BAIAP2L1: variants seen among roughly 807,000 people sequenced by gnomAD.
BAIAP2L1 encodes BAR/IMD domain-containing adapter protein 2-like 1.
BAIAP2L1 carries 35 observed loss-of-function variants against 66.3 expected under a neutral mutation model. The observed-to-expected ratio is 0.53, with a 90% CI of 0.40 to 0.70. The LOEUF (loss-of-function observed/expected upper bound fraction) is 0.70, where lower values mean the gene tolerates loss of function less well. Among genes scored for constraint, BAIAP2L1 ranks in the 30% least tolerant of loss-of-function variants. The pLI is 0.00. For synonymous variants in BAIAP2L1, 269 were observed against 248.7 expected (o/e 1.08, Z -0.77); for missense variants, 622 against 656.9 (o/e 0.95, Z 0.58).
intron 12 of BAIAP2L1, among the ~76,000 whole-genome samples, chr7:98,301,686 C>G (rs1004086080): frequency 6.6e-6 from 1 of 151,744 alleles, no homozygotes; most frequent in Non-Finnish European, 1.5e-5. Context: ...TGCACACGCG[C>G]GTCTGTGTGT....
At chr7:98,373,568 G>A (rs535434104) in intron 1 of BAIAP2L1, among the ~76,000 whole-genome samples, 54 of 152,258 alleles carry the variant, frequency 3.5e-4, no homozygotes, top group African/African-American at 1.3e-3. Flanking sequence ...TGAGCCTCTA[G>A]AAAGCCTGAG....
At chr7:98,365,928 T>C (rs1237493526) in intron 1 of BAIAP2L1, among the ~76,000 whole-genome samples, 2 of 152,204 alleles carry the variant, frequency 1.3e-5, no homozygotes, top group East Asian at 3.8e-4. Flanking sequence ...GTCTTTCATG[T>C]TAGAGACTCT....
Position 98,387,266 on chromosome 7 carries a change from G to A in BAIAP2L1, c.51+13536C>T, listed in dbSNP as rs557632555. Among the ~76,000 whole-genome samples, 5 of 152,224 alleles carry A rather than the reference G, an allele frequency of 3.3e-5. No individual in the cohort carries two copies. The East Asian group carries it at 9.7e-4, about 29-fold the overall frequency. Reference sequence around the variant, plus strand: ...TGTCCTGTCACAGCTATAAACTCTGGATGGGCACAGACCTTCTTTGTCTTT... The same window carrying A: ...TGTCCTGTCACAGCTATAAACTCTGAATGGGCACAGACCTTCTTTGTCTTT... On this transcript the variant is annotated intron_variant, in intron 1 of 13. Coordinates refer to ENST00000005260, the MANE Select transcript of BAIAP2L1 (RefSeq NM_018842.5).
chr7:98,307,326 G>A, intron 10 of BAIAP2L1: 1 of 936,584 alleles, frequency 1.1e-6, no homozygotes, highest in Non-Finnish European at 1.3e-6. Flanking sequence ...GGCTGGTCTG[G>A]AACTCCTAAC....
At position 98,401,058 on chromosome 7, in the gene BAIAP2L1, G is replaced by C; in HGVS notation, c.-206C>G. On this transcript the variant is annotated 5_prime_UTR_variant, in exon 1 of 14. Coordinates refer to ENST00000005260, the MANE Select transcript of BAIAP2L1 (RefSeq NM_018842.5). ...CAGCGCCGCCCTGGCCTTCTTCGAG[G>C]AGCAGAGGAGAAGCGGCCGGACGCC... 1 of 401,212 alleles carries C rather than the reference G, an allele frequency of 2.5e-6. No homozygotes were observed. The highest frequency in any genetic ancestry group is 4.2e-6 in the Non-Finnish European group (1 of 235,586). 24.9% of individuals were successfully genotyped at this position (401,212 alleles called of 1,614,324 possible).
chr7:98,383,069 A>G (rs986701542), intron 1 of BAIAP2L1, among the ~76,000 whole-genome samples: 2 of 152,052 alleles, frequency 1.3e-5, no homozygotes, highest in African/African-American at 4.8e-5. Flanking sequence ...AGGGTGAGGC[A>G]GGAGAATCAC....
At chr7:98,386,123 C>T (rs62478228) in intron 1 of BAIAP2L1, 387,408 of 1,581,786 alleles carry the variant, frequency 0.24, 44,792 homozygotes, top group East Asian at 0.45. Flanking sequence ...TGGTGCTGAG[C>T]ATAAGAGGTC....
Position 98,315,625 on chromosome 7 carries a change from A to AATAATAAT in BAIAP2L1, c.487-14_487-13insATTATTAT, listed in dbSNP as rs1554412624. 5.7e-5 allele frequency: 64 copies of AATAATAAT among 1,131,138 alleles called. No homozygotes were observed. The highest frequency in any genetic ancestry group is 5.5e-5 in the Non-Finnish European group (47 of 861,740). The allele number at this position is 1,131,138 out of a possible 1,614,324, so 70.1% of individuals were successfully genotyped here. On this transcript the variant is annotated splice_polypyrimidine_tract_variant and intron_variant, in intron 6 of 13. Transcript: ENST00000005260. ...CGGTCTCCACATACTAAAAAAAAAAAAATAATAATAATAATAATTATATAA... is the reference window on the plus strand; with the variant it reads ...CGGTCTCCACATACTAAAAAAAAAAAATAATAATAATAATAATAATAATAATTATATAA...
In BAIAP2L1 at chr7:98,294,085, C is replaced by A; in HGVS notation, c.1449G>T (p.Pro483=). 6.2e-7 allele frequency: 1 copy of A among 1,614,058 alleles called. No homozygotes were observed. Among genetic ancestry groups the A allele is most frequent in the Non-Finnish European group, 8.5e-7 (1 of 1,179,922 alleles). ...APNDANGTAK[P]PFLSGENPFA... ...GAAGCCACGCCTACCTGAGAAAAGG[C>A]GGCTTTGCAGTCCCGTTGGCATCGT... The change falls in exon 13 of 14, where the codon CCG becomes CCT. Residue 483 remains proline (P), a synonymous_variant. Coordinates refer to ENST00000005260, the MANE Select transcript of BAIAP2L1 (RefSeq NM_018842.5).
chr7:98,360,744 G>A (rs561820932), intron 2 of BAIAP2L1, among the ~76,000 whole-genome samples: 4 of 152,136 alleles, frequency 2.6e-5, no homozygotes, highest in Non-Finnish European at 4.4e-5. Context: ...AGCAATCTTC[G>A]AGGGAGAGTC....
At chr7:98,319,016 G>A (rs1273762022) in intron 5 of BAIAP2L1, among the ~76,000 whole-genome samples, 1 of 151,834 alleles carries the variant, frequency 6.6e-6, no homozygotes, top group African/African-American at 2.4e-5. Context: ...GATAACGTAT[G>A]TAAATCACTT....
chr7:98,350,050 G>A (rs565354677), intron 3 of BAIAP2L1, among the ~76,000 whole-genome samples: 6 of 151,770 alleles, frequency 4.0e-5, no homozygotes, highest in Admixed American at 6.6e-5. Flanking sequence ...CCAGAAGATC[G>A]AGGCTGCAAT....
chr7:98,397,418 T>G (rs919065749), intron 1 of BAIAP2L1, among the ~76,000 whole-genome samples: 1 of 145,920 alleles, frequency 6.9e-6, no homozygotes, highest in Non-Finnish European at 1.5e-5. Flanking sequence ...TCTAACTCCC[T>G]GGTTCAAGCG....
In BAIAP2L1 at chr7:98,303,508, A is replaced by C. The variant is rs746641190; in HGVS notation, c.1422+688T>G. Among the ~76,000 whole-genome samples, 4 of 152,206 alleles carry C rather than the reference A, an allele frequency of 2.6e-5. No homozygotes were observed. The South Asian group carries it at 8.3e-4, about 31-fold the overall frequency. ...TTGTGTTATTCTCTGCATGGCTTCT[A>C]GTGTCAGTGTTTTTGTTTATTTTTT... On this transcript the variant is annotated intron_variant, in intron 12 of 13. Coordinates refer to ENST00000005260, the MANE Select transcript of BAIAP2L1 (RefSeq NM_018842.5).
chr7:98,320,058 G>A lies in BAIAP2L1; in HGVS notation c.348C>T (p.Asn116=), dbSNP rs777108463. 123 of 1,612,376 alleles carry A rather than the reference G, an allele frequency of 7.6e-5. 1 individual carries two copies. In the South Asian group the frequency reaches 1.3e-3, roughly 17 times the overall value. ...GGCTGGAGGAAAACCATGCACTTAC[G>A]TTCATATATTTCACGTCAAGTTCTA... The part of the protein sequence containing the change: ...KKIELDVKYM[N]ATLKRYQTEH... The change falls in exon 5 of 14, where the codon AAC becomes AAT. Residue 116 remains asparagine (N), a splice_region_variant and synonymous_variant. Transcript: ENST00000005260.
At chr7:98,328,116 T>G (rs1192389127) in intron 3 of BAIAP2L1, among the ~76,000 whole-genome samples, 2 of 152,140 alleles carry the variant, frequency 1.3e-5, no homozygotes, top group Non-Finnish European at 2.9e-5. Context: ...AGACATTGAT[T>G]TTTTTCATAC....
rs537937118 is a variant in BAIAP2L1, at chr7:98,323,793, G to A, written c.215-3495C>T. ...GCCGACCTCACAGCAGCTGGCCGCC[G>A]CGGAGTCAGCGGTCACAGAAAGGAT... On this transcript the variant is annotated intron_variant, in intron 3 of 13. Transcript: ENST00000005260. Among the ~76,000 whole-genome samples the A allele has an allele frequency of 4.6e-5, 7 of 152,346 alleles. No homozygotes were observed. In the South Asian group the frequency reaches 1.0e-3, roughly 23 times the overall value.
intron 1 of BAIAP2L1, among the ~76,000 whole-genome samples, chr7:98,392,838 G>C (rs1803076618): frequency 6.6e-6 from 1 of 151,932 alleles, no homozygotes; most frequent in Non-Finnish European, 1.5e-5. Flanking sequence ...TGCCACCCAG[G>C]CTGGAGTACA....
Position 98,377,870 on chromosome 7 carries a change from G to A in BAIAP2L1, c.52-15438C>T, listed in dbSNP as rs192589788. Among the ~76,000 whole-genome samples the A allele has an allele frequency of 2.5e-3, 335 of 134,626 alleles. 1 individual carries two copies. The highest frequency in any genetic ancestry group is 8.7e-3 in the African/African-American group (319 of 36,634). 88.3% of individuals were successfully genotyped at this position (134,626 alleles called of 152,430 possible). On this transcript the variant is annotated intron_variant, in intron 1 of 13. Transcript: ENST00000005260. ...AGGCCAGGTGTGGTGGCTCACACCT[G>A]TAATTCCAGCACTTTGGGAGGCCGA...
Sources: gnomAD v4.1 joint callset for allele counts (sites outside exome capture counted in the v4.1 genomes callset) on GRCh38, gnomAD v4.1.1 for gene constraint, MANE v1.5 for transcripts, NCBI Gene and HGNC (gene_info 2026-07-23, HGNC 2026-07-21) for gene names.